PLD1: variants seen among roughly 807,000 people sequenced by gnomAD.
PLD1 encodes choline phosphatase 1.
A neutral mutation model predicts 137.1 loss-of-function variants in PLD1; 112 were observed. The ratio of observed to expected loss-of-function variants is 0.82; its 90% CI spans 0.70 to 0.96. The LOEUF (loss-of-function observed/expected upper bound fraction) is 0.96. PLD1 is among the 40% of genes least tolerant of loss of function. The probability of loss-of-function intolerance (pLI) is 0.00; values close to 1 mark genes in which losing one functional copy is unlikely to be tolerated. For missense variants in PLD1, 1,321 were observed against 1,342.0 expected (o/e 0.98, Z 0.24); for synonymous variants, 431 against 454.7 (o/e 0.95, Z 0.66).
At chr3:171,793,866 G>A (rs559889144) in intron 1 of PLD1, 3 of 152,368 alleles carry the variant, frequency 2.0e-5, no homozygotes, top group African/African-American at 7.2e-5. Flanking sequence ...AGAAGGGGCT[G>A]GGAGTGGTGG....
Position 171,764,867 on chromosome 3 carries a change from GAAAGAAAGAAAGAAAGAAAGA to G in PLD1, c.-31-26806_-31-26786del, listed in dbSNP as rs1560288171. On this transcript the variant is annotated intron_variant, in intron 1 of 26. Coordinates refer to ENST00000351298, the MANE Select transcript of PLD1 (RefSeq NM_002662.5). ...AGAAAGAAAGAAAGAAAGAAAGAAA[GAAAGAAAGAAAGAAAGAAAGA>G]AAGAAAGGAAGGAAGGAAGGAAGGA... 2.5e-3 allele frequency among the ~76,000 whole-genome samples: 61 copies of G among 24,246 alleles called. 4 individuals are homozygous for G. Among genetic ancestry groups the G allele is most frequent in the Non-Finnish European group, 4.9e-3 (56 of 11,322 alleles). 15.9% of individuals were successfully genotyped at this position (24,246 alleles called of 152,430 possible). A position where few individuals can be genotyped will look rare whatever the true frequency, so the allele number is the denominator to read the frequency against.
chr3:171,620,584 C>A, intron 23 of PLD1, 64 bp from the exon 24 acceptor site: 2 of 941,120 alleles, frequency 2.1e-6, no homozygotes, highest in Non-Finnish European at 3.3e-6. Context: ...TACATTAAAT[C>A]TTATTGTTTC....
chr3:171,636,365 G>C (rs1398210214), intron 23 of PLD1, among the ~76,000 whole-genome samples: 1 of 152,024 alleles, frequency 6.6e-6, no homozygotes, highest in Non-Finnish European at 1.5e-5. Flanking sequence ...TAAATTTGGA[G>C]AGTACTGCCA....
intron 24 of PLD1, among the ~76,000 whole-genome samples, chr3:171,614,686 T>C (rs1732948104): frequency 6.6e-6 from 1 of 152,214 alleles, no homozygotes; most frequent in South Asian, 2.1e-4. Context: ...AGATCCCATA[T>C]TGCTACTTTA....
chr3:171,791,314 C>G (rs1723202208), intron 1 of PLD1, among the ~76,000 whole-genome samples: 1 of 152,292 alleles, frequency 6.6e-6, no homozygotes, highest in African/African-American at 2.4e-5. Context: ...AACCAACAAC[C>G]CTTGCACATG....
intron 24 of PLD1, among the ~76,000 whole-genome samples, chr3:171,616,169 T>C (rs1031502455): frequency 3.3e-5 from 5 of 152,246 alleles, no homozygotes; most frequent in Admixed American, 2.0e-4. Context: ...TGGACATTTG[T>C]TTTTTCTTAT....
intron 1 of PLD1, among the ~76,000 whole-genome samples, chr3:171,744,882 A>G (rs1017934613): frequency 3.3e-5 from 5 of 152,248 alleles, no homozygotes; most frequent in African/African-American, 1.2e-4. Context: ...AAGAAATCCC[A>G]TAAGACATCA....
At chr3:171,794,724 TC>T (rs1723360410) in intron 1 of PLD1, among the ~76,000 whole-genome samples, 4 of 152,112 alleles carry the variant, frequency 2.6e-5, no homozygotes, top group African/African-American at 9.7e-5. Flanking sequence ...AAGAAGATGT[TC>T]CCTGAACAAG....
At chr3:171,771,314 C>T in intron 1 of PLD1, 1 of 152,276 alleles carries the variant, frequency 6.6e-6, no homozygotes, top group African/African-American at 2.4e-5. Context: ...CCTGAGAATC[C>T]AAATAAACGG....
intron 23 of PLD1, among the ~76,000 whole-genome samples, chr3:171,640,942 T>C (rs2108367425): frequency 6.6e-6 from 1 of 152,358 alleles, no homozygotes; most frequent in South Asian, 2.1e-4. Flanking sequence ...TTGTTTTTGA[T>C]AAATACCAGG....
intron 21 of PLD1, among the ~76,000 whole-genome samples, chr3:171,645,821 T>C (rs1736154098): frequency 6.7e-6 from 1 of 148,490 alleles, no homozygotes; most frequent in Admixed American, 6.8e-5. Context: ...GTGGCGGAGC[T>C]TGCAGTCAGC....
chr3:171,689,819 A>G (rs1399108646), intron 13 of PLD1, among the ~76,000 whole-genome samples: 1 of 152,186 alleles, frequency 6.6e-6, no homozygotes, highest in African/African-American at 2.4e-5. Flanking sequence ...TTTCTTAATA[A>G]CACATTTTTT....
chr3:171,806,255 C>T (rs948334592), intron 1 of PLD1, among the ~76,000 whole-genome samples: 4 of 152,136 alleles, frequency 2.6e-5, no homozygotes, highest in Non-Finnish European at 4.4e-5. Flanking sequence ...AGAAAAAAAA[C>T]ACTGTGACAC....
In PLD1 at chr3:171,737,606, T is replaced by C. The variant is rs1197991307; in HGVS notation, c.214A>G (p.Ile72Val). The C allele has an allele frequency of 6.2e-7, 1 of 1,604,830 alleles. No homozygotes were observed. Among genetic ancestry groups the C allele is most frequent in the Non-Finnish European group, 8.5e-7 (1 of 1,172,122 alleles). ...YNTQGFKEPN[I>V]QTYLSGCPIK... Reference sequence around the variant, plus strand: ...GGACAGCCGGAGAGATACGTCTGTATATTAGGCTCCTTAAATCCTTGAGTG... The same window carrying C: ...GGACAGCCGGAGAGATACGTCTGTACATTAGGCTCCTTAAATCCTTGAGTG... The change falls in exon 3 of 27, where the codon ATA (isoleucine) becomes GTA (valine). Residue 72 changes from isoleucine (I) to valine (V), a missense_variant. Transcript: ENST00000351298.
At chr3:171,768,246 A>G (rs1013470154) in intron 1 of PLD1, among the ~76,000 whole-genome samples, 79 of 152,262 alleles carry the variant, frequency 5.2e-4, no homozygotes, top group African/African-American at 1.8e-3. Context: ...CATTACTAAA[A>G]TAGTGAATTT....
chr3:171,668,115 G>A (rs1301579722), intron 19 of PLD1, among the ~76,000 whole-genome samples: 2 of 152,186 alleles, frequency 1.3e-5, no homozygotes, highest in African/African-American at 4.8e-5. Flanking sequence ...GAAACAGGCT[G>A]CACAGGAGTT....
chr3:171,733,345 T>G (rs1719089112), intron 6 of PLD1, 99 bp downstream of exon 6: 1 of 612,632 alleles, frequency 1.6e-6, no homozygotes, highest in Admixed American at 3.0e-5. Flanking sequence ...AATGTAGGTG[T>G]GGATACAATC....
chr3:171,677,898 TACA>T, intron 16 of PLD1: 1 of 439,584 alleles, frequency 2.3e-6, no homozygotes, highest in Non-Finnish European at 4.0e-6. Flanking sequence ...CAGTTAGGGC[TACA>T]ACAAGATTCA....
intron 1 of PLD1, among the ~76,000 whole-genome samples, chr3:171,748,933 A>C (rs1174063150): frequency 6.6e-6 from 1 of 151,174 alleles, no homozygotes; most frequent in Non-Finnish European, 1.5e-5. Flanking sequence ...TTCCTACCTG[A>C]ATCATGTCCC....
Sources: gnomAD v4.1 joint callset for allele counts (sites outside exome capture counted in the v4.1 genomes callset) on GRCh38, gnomAD v4.1.1 for gene constraint, MANE v1.5 for transcripts, NCBI Gene and HGNC (gene_info 2026-07-23, HGNC 2026-07-21) for gene names.